The following AFAP1 variants were observed in gnomAD, a reference collection of about 807,000 sequenced individuals.
AFAP1 encodes the protein actin filament-associated protein 1.
A neutral mutation model predicts 93.9 loss-of-function variants in AFAP1; 75 were observed. That is an observed-to-expected ratio of 0.80 (90% CI 0.66 to 0.97). AFAP1 has a LOEUF of 0.97. Among genes scored for constraint, AFAP1 ranks in the 50% least tolerant of loss-of-function variants. AFAP1 has a pLI of 0.00. For missense variants in AFAP1, 1,201 were observed against 1,050.8 expected, an observed-to-expected ratio of 1.14 and a Z score of -1.98; for synonymous variants, 517 against 430.7, an observed-to-expected ratio of 1.20 and a Z score of -2.48.
chr4:7,922,230 A>G (rs1720477776), intron 1 of AFAP1, among the ~76,000 whole-genome samples: 1 of 152,270 alleles, frequency 6.6e-6, no homozygotes, highest in African/African-American at 2.4e-5. Flanking sequence ...CATATTCAAA[A>G]TATACGACTA....
chr4:7,842,987 T>TGGCATGGTACTGCGGCGC, intron 5 of AFAP1, 152 bp downstream of exon 5: 1 of 815,988 alleles, frequency 1.2e-6, no homozygotes. Flanking sequence ...TGGGGGCCCC[T>TGGCATGGTACTGCGGCGC]GGCATGGTAC....
chr4:7,859,667 C>T (rs1415817926), intron 3 of AFAP1, among the ~76,000 whole-genome samples: 1 of 152,126 alleles, frequency 6.6e-6, no homozygotes, highest in African/African-American at 2.4e-5. Flanking sequence ...TATCTACCTT[C>T]AGGAATCGTA....
chr4:7,911,371 G>C (rs570819330), intron 1 of AFAP1, among the ~76,000 whole-genome samples: 4 of 152,166 alleles, frequency 2.6e-5, no homozygotes, highest in African/African-American at 9.7e-5. Context: ...GTACTGACCC[G>C]GGCCTCGCCC....
chr4:7,909,549 C>A (rs1439830154), intron 1 of AFAP1, among the ~76,000 whole-genome samples: 1 of 152,066 alleles, frequency 6.6e-6, no homozygotes, highest in Non-Finnish European at 1.5e-5. Context: ...GAGTGAATAA[C>A]CGGCAAATAT....
At chr4:7,879,988 G>A (rs896866111) in intron 1 of AFAP1, among the ~76,000 whole-genome samples, 1 of 151,714 alleles carries the variant, frequency 6.6e-6, no homozygotes, top group Admixed American at 6.6e-5. Flanking sequence ...TCACTCAAGT[G>A]GTATATCCCA....
chr4:7,930,264 C>G (rs1577368463), intron 1 of AFAP1, among the ~76,000 whole-genome samples: 1 of 152,210 alleles, frequency 6.6e-6, no homozygotes, highest in Non-Finnish European at 1.5e-5. Context: ...GGGAGTGCCA[C>G]CTCCCCAGCA....
intron 1 of AFAP1, among the ~76,000 whole-genome samples, chr4:7,890,739 A>G (rs1718424217): frequency 6.6e-6 from 1 of 152,218 alleles, no homozygotes; most frequent in Non-Finnish European, 1.5e-5. Flanking sequence ...AATCACAATG[A>G]GATGCCCTGA....
At chr4:7,791,689 C>CAA (rs200864466) in intron 11 of AFAP1, among the ~76,000 whole-genome samples, 8 of 139,266 alleles carry the variant, frequency 5.7e-5, no homozygotes, top group African/African-American at 1.3e-4. Context: ...CCGTCTCTAC[C>CAA]AAAAAAAAAA....
intron 10 of AFAP1, among the ~76,000 whole-genome samples, chr4:7,794,590 T>C (rs897295870): frequency 6.6e-6 from 1 of 152,120 alleles, no homozygotes; most frequent in Non-Finnish European, 1.5e-5. Flanking sequence ...GGTGTGATCA[T>C]AGCTCACTGC....
chr4:7,894,443 T>A (rs1326032067), intron 1 of AFAP1, among the ~76,000 whole-genome samples: 3 of 152,094 alleles, frequency 2.0e-5, no homozygotes, highest in Non-Finnish European at 1.5e-5. Flanking sequence ...AGAAGAAGCA[T>A]TTAGCACAGA....
At chr4:7,903,585 A>G in intron 1 of AFAP1, among the ~76,000 whole-genome samples, 1 of 152,248 alleles carries the variant, frequency 6.6e-6, no homozygotes, top group Non-Finnish European at 1.5e-5. Flanking sequence ...AAGCTGAGGC[A>G]CAAGAATCAC....
rs569652685 is a variant in AFAP1, at chr4:7,872,095, G to T, written c.-2-15C>A. 6.2e-7 allele frequency: 1 copy of T among 1,613,606 alleles called. No homozygotes were observed. ...CTCTTCCATTGCTGACAACAAAAGA[G>T]GAAGAGTATTATTAGACCCAGTGAT... On this transcript the variant is annotated splice_polypyrimidine_tract_variant and intron_variant, in intron 1 of 17. Coordinates refer to ENST00000420658, the MANE Select transcript of AFAP1 (RefSeq NM_001134647.2).
chr4:7,798,106 AC>A (rs1304770272), intron 10 of AFAP1, among the ~76,000 whole-genome samples: 3 of 112,328 alleles, frequency 2.7e-5, no homozygotes, highest in South Asian at 2.7e-4. Flanking sequence ...CGGCATTGCA[AC>A]TCTATTGGCT....
intron 10 of AFAP1, 77 bp from the exon 11 acceptor site, chr4:7,793,903 C>T: frequency 7.3e-7 from 1 of 1,368,514 alleles, no homozygotes; most frequent in Non-Finnish European, 9.6e-7. Flanking sequence ...AATAAAGAGA[C>T]CACATAATAG....
At chr4:7,777,045 G>A (rs1450612763) in intron 14 of AFAP1, 1 of 152,084 alleles carries the variant, frequency 6.6e-6, no homozygotes, top group Non-Finnish European at 1.5e-5. Context: ...TAAAATAAAG[G>A]AATAAATCAT....
intron 1 of AFAP1, among the ~76,000 whole-genome samples, chr4:7,933,792 T>G (rs1488833312): frequency 6.6e-6 from 1 of 152,114 alleles, no homozygotes; most frequent in African/African-American, 2.4e-5. Flanking sequence ...GGAACTATAT[T>G]TGGCCAAAAG....
At chr4:7,889,283 A>G (rs1454789094) in intron 1 of AFAP1, among the ~76,000 whole-genome samples, 1 of 152,028 alleles carries the variant, frequency 6.6e-6, no homozygotes, top group Non-Finnish European at 1.5e-5. Context: ...AATAAAAGGC[A>G]TCTGCCTGTA....
chr4:7,868,577 C>CA, intron 3 of AFAP1, 45 bp downstream of exon 3: 1 of 1,566,504 alleles, frequency 6.4e-7, no homozygotes, highest in Non-Finnish European at 8.7e-7. Flanking sequence ...TAAGTACCCC[C>CA]AGGCCTCCAG....
intron 1 of AFAP1, among the ~76,000 whole-genome samples, chr4:7,889,456 G>A (rs530613811): frequency 1.9e-3 from 290 of 150,996 alleles, no homozygotes; most frequent in Admixed American, 2.5e-3. Context: ...AGGAGGCTGA[G>A]GCAGGAGAAT....
Sources: allele counts gnomAD v4.1 joint callset (sites outside exome capture counted in the v4.1 genomes callset), GRCh38; gene constraint gnomAD v4.1.1; transcripts MANE v1.5; gene names NCBI Gene and HGNC (gene_info 2026-07-23, HGNC 2026-07-21).